KATNAL2: variants seen among roughly 807,000 people sequenced by gnomAD.
The protein encoded by KATNAL2 is katanin p60 ATPase-containing subunit A-like 2.
In KATNAL2, 52 loss-of-function variants were observed where a neutral mutation model predicts 76.3. That is an observed-to-expected ratio of 0.68 (90% CI 0.55 to 0.86). The LOEUF (loss-of-function observed/expected upper bound fraction) is 0.86, where lower values mean the gene tolerates loss of function less well. Among genes scored for constraint, KATNAL2 ranks in the 40% least tolerant of loss-of-function variants. The pLI is 0.00. For synonymous variants in KATNAL2, 243 were observed against 244.2 expected, an observed-to-expected ratio of 1.00 and a Z score of 0.05; for missense variants, 660 against 668.9, an observed-to-expected ratio of 0.99 and a Z score of 0.15.
chr18:47,064,769 A>G (rs776150060), intron 10 of KATNAL2, among the ~76,000 whole-genome samples: 11 of 152,180 alleles, frequency 7.2e-5, no homozygotes, highest in Non-Finnish European at 1.5e-4. Context: ...CTATAGTAGC[A>G]TAGGAGGTAG....
Position 46,934,113 on chromosome 18 carries a change from T to G in KATNAL2, c.-509-11944T>G, listed in dbSNP as rs2059018585. Among the ~76,000 whole-genome samples the G allele has an allele frequency of 2.0e-5, 3 of 152,098 alleles. No individual in the cohort carries two copies. The South Asian group carries it at 6.2e-4, about 32-fold the overall frequency. On this transcript the variant is annotated intron_variant, in intron 1 of 17. Coordinates refer to ENST00000683218, the MANE Select transcript of KATNAL2 (RefSeq NM_001387690.1). ...AATAGTGCCGCTATAAACACACGTG[T>G]GCGTGTGTCTTTATAGCAGCATGAT...
At chr18:47,075,393 G>A in intron 14 of KATNAL2, 25 bp downstream of exon 14, 1 of 1,438,518 alleles carries the variant, frequency 7.0e-7, no homozygotes, top group Non-Finnish European at 9.1e-7. Context: ...TGGGGTTTTT[G>A]TTGTTGTTGT....
At chr18:47,049,476 A>C (rs1477685373) in intron 4 of KATNAL2, among the ~76,000 whole-genome samples, 3 of 152,228 alleles carry the variant, frequency 2.0e-5, no homozygotes, top group Non-Finnish European at 2.9e-5. Context: ...AAAATACCTC[A>C]AGGTGCTTTT....
intron 15 of KATNAL2, chr18:47,098,054 A>T (rs2063323543): frequency 6.3e-6 from 1 of 159,958 alleles, no homozygotes; most frequent in South Asian, 1.7e-4. Flanking sequence ...ATTACTTTGA[A>T]ATAATTTAGC....
At position 47,033,069 on chromosome 18, in the gene KATNAL2, G is replaced by C. The variant is rs557587564; in HGVS notation, c.52-13388G>C. 3.7e-4 allele frequency: 604 copies of C among 1,614,134 alleles called. 6 individuals carry two copies. The South Asian group carries it at 6.0e-3, about 16-fold the overall frequency. On this transcript the variant is annotated intron_variant, in intron 3 of 17. Transcript: ENST00000683218. The stretch of plus-strand genomic sequence containing the variant: ...TGGCCATCAGCGGGGCCACTTTCTT[G>C]GCAGCCTGTTTCCGGGTTTTGGCCG...
intron 14 of KATNAL2, 69 bp downstream of exon 14, chr18:47,075,437 G>A: frequency 1.7e-6 from 2 of 1,189,028 alleles, no homozygotes; most frequent in Non-Finnish European, 2.2e-6. Context: ...TTGTGTGTTT[G>A]ATGGTCGGAA....
chr18:47,077,983 T>C (rs2062319193), intron 15 of KATNAL2, among the ~76,000 whole-genome samples: 1 of 152,226 alleles, frequency 6.6e-6, no homozygotes, highest in African/African-American at 2.4e-5. Flanking sequence ...AGATGTGGAA[T>C]TGGGAAATAA....
chr18:47,041,502 A>G (rs147406189), intron 3 of KATNAL2, among the ~76,000 whole-genome samples: 1 of 152,236 alleles, frequency 6.6e-6, no homozygotes, highest in African/African-American at 2.4e-5. Flanking sequence ...ATGCATCTAA[A>G]TTTCCTTCAT....
At chr18:47,062,899 T>G (rs933917690) in intron 8 of KATNAL2, 73 bp from the exon 9 acceptor site, 2 of 1,230,636 alleles carry the variant, frequency 1.6e-6, no homozygotes, top group Non-Finnish European at 2.4e-6. Context: ...TGTCTTGGTT[T>G]AATGAAACTG....
chr18:47,065,738 C>A (rs1038552588), intron 10 of KATNAL2, among the ~76,000 whole-genome samples: 2 of 152,002 alleles, frequency 1.3e-5, no homozygotes, highest in Admixed American at 6.6e-5. Flanking sequence ...AATCTCAGCA[C>A]TTTGGGAGGC....
intron 1 of KATNAL2, among the ~76,000 whole-genome samples, chr18:46,922,406 T>A (rs1458379507): frequency 6.6e-6 from 1 of 152,044 alleles, no homozygotes; most frequent in Non-Finnish European, 1.5e-5. Flanking sequence ...CTCAACTTTT[T>A]ATTCTGAAAA....
chr18:46,951,002 C>T (rs2059537969), intron 3 of KATNAL2, among the ~76,000 whole-genome samples: 3 of 152,064 alleles, frequency 2.0e-5, no homozygotes, highest in Admixed American at 2.0e-4. Context: ...ACTCCTGAAG[C>T]TTGATTTTTC....
At chr18:47,035,486 C>G (rs979300793) in intron 3 of KATNAL2, 16 of 949,142 alleles carry the variant, frequency 1.7e-5, no homozygotes, top group Non-Finnish European at 2.3e-5. Flanking sequence ...CGCTTTTGTT[C>G]CTCGGGATGT....
chr18:47,100,193 C>A, intron 16 of KATNAL2, 61 bp from the exon 17 acceptor site: 9 of 1,198,532 alleles, frequency 7.5e-6, no homozygotes, highest in Non-Finnish European at 1.1e-5. Flanking sequence ...CTGCCTATAA[C>A]AACGTAATGG....
At chr18:47,084,277 A>G (rs2062663340) in intron 15 of KATNAL2, 3 of 699,404 alleles carry the variant, frequency 4.3e-6, no homozygotes, top group Middle Eastern at 4.6e-4. Context: ...TTGCTATAGC[A>G]ATGCATGCAT....
chr18:46,953,428 C>T (rs77165980), intron 3 of KATNAL2, among the ~76,000 whole-genome samples: 5,499 of 152,222 alleles, frequency 0.036, 144 homozygotes, highest in Middle Eastern at 0.085. Context: ...GCGCTTGAGG[C>T]CAGAGGTCGA....
chr18:47,044,054 A>G (rs558335099), intron 3 of KATNAL2, among the ~76,000 whole-genome samples: 1 of 152,336 alleles, frequency 6.6e-6, no homozygotes, highest in Admixed American at 6.5e-5. Flanking sequence ...AGAAACATGG[A>G]AGTACATATC....
chr18:46,927,911 C>A (rs1039980005), intron 1 of KATNAL2, among the ~76,000 whole-genome samples: 23 of 152,334 alleles, frequency 1.5e-4, no homozygotes, highest in African/African-American at 5.3e-4. Context: ...TCACGTAGCT[C>A]TTGTGCCTTG....
At chr18:47,035,300 G>A in intron 3 of KATNAL2, 4 of 1,611,612 alleles carry the variant, frequency 2.5e-6, no homozygotes, top group Non-Finnish European at 2.5e-6. Flanking sequence ...TGTCCCGGCG[G>A]TCGCAGCTCT....
Sources: gnomAD v4.1 joint callset for allele counts (sites outside exome capture counted in the v4.1 genomes callset) on GRCh38, gnomAD v4.1.1 for gene constraint, MANE v1.5 for transcripts, NCBI Gene and HGNC (gene_info 2026-07-23, HGNC 2026-07-21) for gene names.